The following FIG4 variants were observed in gnomAD, a reference collection of about 807,000 sequenced individuals.
FIG4 encodes FIG4 phosphoinositide 5-phosphatase.
FIG4 carries 112 observed loss-of-function variants against 118.6 expected under a neutral mutation model. That is an observed-to-expected ratio of 0.94 (90% confidence interval 0.81 to 1.11). The LOEUF is 1.11. Among genes scored for constraint, FIG4 ranks in the 50% least tolerant of loss-of-function variants. FIG4 has a pLI of 0.00. For synonymous variants in FIG4, 369 were observed against 381.2 expected (o/e 0.97, Z 0.37); for missense variants, 969 against 1,111.7 (o/e 0.87, Z 1.83).
At chr6:109,783,733 T>C (rs1777874277) in intron 16 of FIG4, among the ~76,000 whole-genome samples, 1 of 152,228 alleles carries the variant, frequency 6.6e-6, no homozygotes, top group South Asian at 2.1e-4. Flanking sequence ...CCCTTTGGTT[T>C]TGCTCAGGAG....
At chr6:109,811,592 G>A (rs1028446324) in intron 22 of FIG4, among the ~76,000 whole-genome samples, 4 of 152,196 alleles carry the variant, frequency 2.6e-5, no homozygotes, top group Non-Finnish European at 4.4e-5. Flanking sequence ...TGGGGACATA[G>A]TAGAAAACAA....
At chr6:109,702,311 C>T (rs551972104) in intron 1 of FIG4, among the ~76,000 whole-genome samples, 2 of 152,126 alleles carry the variant, frequency 1.3e-5, no homozygotes, top group African/African-American at 4.8e-5. Context: ...TTGGATTTCA[C>T]ATATATATTT....
rs754707752 is a variant in FIG4, at chr6:109,786,478, G to A, written c.2096+29G>A. The A allele has an allele frequency of 1.8e-5, 29 of 1,611,976 alleles. No individual in the cohort carries two copies. In the Middle Eastern group the frequency reaches 9.9e-4, roughly 55 times the overall value. ...TGTTGTGTGTATTCTGATACCATAAGTATTTGAGAACTGTAGTTTTCCTAG... is the reference window on the plus strand; with the variant it reads ...TGTTGTGTGTATTCTGATACCATAAATATTTGAGAACTGTAGTTTTCCTAG... On this transcript the variant is annotated intron_variant, in intron 18 of 22. Coordinates refer to ENST00000230124, the MANE Select transcript of FIG4 (RefSeq NM_014845.6).
rs11961813 is a variant in FIG4 at position 109,785,084 on chromosome 6, T to C, written c.1948+56T>C. On this transcript the variant is annotated intron_variant, in intron 17 of 22. Coordinates refer to ENST00000230124, the MANE Select transcript of FIG4 (RefSeq NM_014845.6). ...ACTAACATATTTTGGCATTATACCT[T>C]AATGAACTTGAAGCATTAAATCCTT... 3,844 of 962,382 alleles carry C rather than the reference T, an allele frequency of 4.0e-3. 96 individuals carry two copies. In the African/African-American group the frequency reaches 0.055, roughly 14 times the overall value. The allele number at this position is 962,382 out of a possible 1,614,324, so 59.6% of individuals were successfully genotyped here.
intron 3 of FIG4, 49 bp downstream of exon 3, chr6:109,716,617 C>T (rs779860729): frequency 6.2e-7 from 1 of 1,606,126 alleles, no homozygotes; most frequent in Admixed American, 1.7e-5. Context: ...TTGTTTTTGT[C>T]TTCTCTACAT....
intron 3 of FIG4, among the ~76,000 whole-genome samples, chr6:109,724,356 A>G (rs1193968002): frequency 6.6e-6 from 1 of 152,220 alleles, no homozygotes; most frequent in Non-Finnish European, 1.5e-5. Context: ...TTTTATCTTC[A>G]GATGAAATTA....
chr6:109,784,933 A>C, intron 16 of FIG4, 37 bp from the exon 17 acceptor site: 1 of 1,149,442 alleles, frequency 8.7e-7, no homozygotes, highest in East Asian at 2.4e-5. Context: ...CAACATTTAC[A>C]TTTGGTTCAT....
At chr6:109,822,763 G>A (rs7772946) in intron 22 of FIG4, among the ~76,000 whole-genome samples, 80,732 of 140,950 alleles carry the variant, frequency 0.57, 23,859 homozygotes, top group East Asian at 0.84. Context: ...TGGTTGAAGT[G>A]TATATATATG....
At position 109,756,766 on chromosome 6, in the gene FIG4, A is replaced by G. The variant is rs137867140; in HGVS notation, c.1138-3484A>G. ...TTCTGCATTCTTGACGTAGTTCTCAAGACTTGGCTTTCAGCTCCATCAGCT... is the reference window on the plus strand; with the variant it reads ...TTCTGCATTCTTGACGTAGTTCTCAGGACTTGGCTTTCAGCTCCATCAGCT... On this transcript the variant is annotated intron_variant, in intron 10 of 22. Coordinates refer to ENST00000230124, the MANE Select transcript of FIG4 (RefSeq NM_014845.6). Among the ~76,000 whole-genome samples the G allele has an allele frequency of 1.5e-4, 23 of 152,288 alleles. No individual in the cohort carries two copies. The East Asian group carries it at 4.4e-3, about 29-fold the overall frequency.
Position 109,807,496 on chromosome 6 carries a change from T to C in FIG4, c.2546+10645T>C, listed in dbSNP as rs1181507769. On this transcript the variant is annotated intron_variant, in intron 22 of 22. Coordinates refer to ENST00000230124, the MANE Select transcript of FIG4 (RefSeq NM_014845.6). ...AAATTTGTTTAAGTTCCTTGTAGATTCTGGATATTAGATCTTTGTCAGATG... is the reference window on the plus strand; with the variant it reads ...AAATTTGTTTAAGTTCCTTGTAGATCCTGGATATTAGATCTTTGTCAGATG... Among the ~76,000 whole-genome samples the C allele has an allele frequency of 3.3e-5, 5 of 152,222 alleles. No homozygotes were observed. The East Asian group carries it at 9.6e-4, about 29-fold the overall frequency.
intron 4 of FIG4, among the ~76,000 whole-genome samples, chr6:109,731,966 A>G (rs1383016599): frequency 6.6e-6 from 1 of 152,220 alleles, no homozygotes; most frequent in Admixed American, 6.5e-5. Context: ...TAAATATACA[A>G]TATAATGCTA....
Position 109,762,113 on chromosome 6 carries a change from C to T in FIG4, c.1294C>T (p.Arg432Ter), listed in dbSNP as rs149991846. ...CAGCAAGCTGTGTAATGTTCTTGATCGACTAAATGTGATTGCAGAAAGTGT... is the reference window on the plus strand; with the variant it reads ...CAGCAAGCTGTGTAATGTTCTTGATTGACTAAATGTGATTGCAGAAAGTGT... ...TKSKLCNVLD[R>*]LNVIAESVVK... Residue 432 changes from arginine to a stop codon, truncating the protein, a stop_gained, in exon 12 of 23, where the codon CGA becomes TGA. Transcript: ENST00000230124. LOFTEE classifies it high-confidence loss of function. 5.6e-6 allele frequency: 9 copies of T among 1,611,390 alleles called. No individual in the cohort carries two copies. Among genetic ancestry groups the T allele is most frequent in the African/African-American group, 1.3e-5 (1 of 74,854 alleles).
At chr6:109,715,787 A>G (rs1021679131) in intron 2 of FIG4, among the ~76,000 whole-genome samples, 4 of 152,180 alleles carry the variant, frequency 2.6e-5, no homozygotes, top group African/African-American at 9.7e-5. Flanking sequence ...AAAGAACTCA[A>G]GTTATCTTTT....
chr6:109,797,831 G>A (rs1778328429), intron 22 of FIG4, among the ~76,000 whole-genome samples: 1 of 150,914 alleles, frequency 6.6e-6, no homozygotes, highest in South Asian at 2.1e-4. Flanking sequence ...GGGAGGCGGA[G>A]GTTGCAGTGA....
chr6:109,779,545 A>T (rs1288187852), intron 16 of FIG4, among the ~76,000 whole-genome samples: 1 of 152,198 alleles, frequency 6.6e-6, no homozygotes. Context: ...AATATGGCTT[A>T]CTCAGTTGAT....
intron 19 of FIG4, among the ~76,000 whole-genome samples, chr6:109,789,927 ACT>A (rs1470983372): frequency 6.6e-6 from 1 of 152,222 alleles, no homozygotes; most frequent in African/African-American, 2.4e-5. Flanking sequence ...CTTATAAATA[ACT>A]CAGCATTCTC....
intron 14 of FIG4, among the ~76,000 whole-genome samples, chr6:109,766,512 C>T (rs1476140091): frequency 6.6e-6 from 1 of 152,110 alleles, no homozygotes; most frequent in Admixed American, 6.6e-5. Flanking sequence ...TTTTGGTGCC[C>T]CTGCTTCCAT....
At chr6:109,788,288 T>G (rs1381081318) in intron 18 of FIG4, among the ~76,000 whole-genome samples, 1 of 152,222 alleles carries the variant, frequency 6.6e-6, no homozygotes, top group Admixed American at 6.5e-5. Flanking sequence ...ATGAAGCTTA[T>G]CTAACACACA....
At chr6:109,729,773 CAAAA>C (rs11305700) in intron 4 of FIG4, among the ~76,000 whole-genome samples, 3 of 111,248 alleles carry the variant, frequency 2.7e-5, no homozygotes, top group Non-Finnish European at 3.9e-5. Context: ...GACCCTGCCT[CAAAA>C]AAAAAAAAAA....
Sources: gnomAD v4.1 joint callset for allele counts (sites outside exome capture counted in the v4.1 genomes callset) on GRCh38, gnomAD v4.1.1 for gene constraint, MANE v1.5 for transcripts, NCBI Gene and HGNC (gene_info 2026-07-23, HGNC 2026-07-21) for gene names.